The following FUT8 variants were observed in gnomAD, a reference collection of about 807,000 sequenced individuals.
FUT8 encodes the protein alpha-(1,6)-fucosyltransferase.
In FUT8, 29 loss-of-function variants were observed where a neutral mutation model predicts 71.3. That is an observed-to-expected ratio of 0.41 (90% confidence interval 0.30 to 0.55). The LOEUF is 0.55. FUT8 is among the 20% of genes least tolerant of loss of function. FUT8 has a pLI of 0.34. For missense variants in FUT8, 544 were observed against 702.1 expected, an observed-to-expected ratio of 0.77 and a Z score of 2.55; for synonymous variants, 254 against 239.3, an observed-to-expected ratio of 1.06 and a Z score of -0.57.
intron 2 of FUT8, among the ~76,000 whole-genome samples, chr14:65,513,560 G>A (rs1042439023): frequency 2.0e-5 from 3 of 152,296 alleles, no homozygotes; most frequent in African/African-American, 7.2e-5. Flanking sequence ...ACATAGATAT[G>A]ATTTTCTCAA....
At position 65,616,384 on chromosome 14, in the gene FUT8, C is replaced by T; in HGVS notation, c.482+11C>T. 4 of 1,538,710 alleles carry T rather than the reference C, an allele frequency of 2.6e-6. No homozygotes were observed. Among genetic ancestry groups the T allele is most frequent in the Non-Finnish European group, 3.5e-6 (4 of 1,142,684 alleles). ...AGGACATCATGAAAGGTACTATTCT[C>T]CTTTCACATTTTATTTGGGCTTTAG... On this transcript the variant is annotated intron_variant, in intron 5 of 10. Transcript: ENST00000673929.
intron 7 of FUT8, among the ~76,000 whole-genome samples, chr14:65,695,735 T>G (rs1337024326): frequency 6.6e-6 from 1 of 152,134 alleles, no homozygotes; most frequent in Admixed American, 6.5e-5. Flanking sequence ...CTATTTACAT[T>G]TAAAGCAGTT....
At position 65,512,166 on chromosome 14, in the gene FUT8, A is replaced by G. The variant is rs532655495; in HGVS notation, c.-227-49171A>G. 2.6e-5 allele frequency among the ~76,000 whole-genome samples: 4 copies of G among 152,302 alleles called. No individual in the cohort carries two copies. In the East Asian group the frequency reaches 7.7e-4, roughly 29 times the overall value. ...AAGGTACAGTAAAATTATGGTATTT[A>G]TAATCTTTATTTTTGTAGACAGAGT... On this transcript the variant is annotated intron_variant, in intron 2 of 10. Coordinates refer to ENST00000673929, the MANE Select transcript of FUT8 (RefSeq NM_001371533.1).
At chr14:65,672,488 C>G (rs1566887683) in intron 7 of FUT8, among the ~76,000 whole-genome samples, 1 of 152,116 alleles carries the variant, frequency 6.6e-6, no homozygotes, top group Admixed American at 6.6e-5. Flanking sequence ...GAGACAGAGT[C>G]TTGCTCTGAC....
chr14:65,385,473 T>G, the FUT8 span, among the ~76,000 whole-genome samples: 1 of 152,194 alleles, frequency 6.6e-6, no homozygotes, highest in Non-Finnish European at 1.5e-5. Context: ...CTCCTATTCT[T>G]TATAAATACC....
Position 65,667,951 on chromosome 14 carries a change from T to C in FUT8, c.598-1292T>C, listed in dbSNP as rs151111549. Among the ~76,000 whole-genome samples the C allele has an allele frequency of 1.5e-3, 224 of 152,190 alleles. 5 individuals are homozygous for C. The East Asian group carries it at 0.04, about 27-fold the overall frequency. ...ACAACTTTCTAATCTTTGACAAAGC[T>C]GACAAAAACAAGCCAAGGAGAAAGG... On this transcript the variant is annotated intron_variant, in intron 6 of 10. Coordinates refer to ENST00000673929, the MANE Select transcript of FUT8 (RefSeq NM_001371533.1).
chr14:65,533,448 C>T (rs1186527137), intron 2 of FUT8, among the ~76,000 whole-genome samples: 1 of 152,020 alleles, frequency 6.6e-6, no homozygotes, highest in Admixed American at 6.5e-5. Flanking sequence ...TAATTTGGCT[C>T]TTGGCTTGGC....
chr14:65,474,255 C>T (rs112548675), intron 2 of FUT8, among the ~76,000 whole-genome samples: 2 of 151,412 alleles, frequency 1.3e-5, no homozygotes, highest in South Asian at 2.1e-4. Context: ...ACATTTCATC[C>T]ATGTAACCCA....
At chr14:65,692,713 G>T (rs1472970627) in intron 7 of FUT8, among the ~76,000 whole-genome samples, 1 of 149,382 alleles carries the variant, frequency 6.7e-6, no homozygotes, top group Admixed American at 6.6e-5. Flanking sequence ...TCTCAGACGG[G>T]GCGGCTGCCG....
intron 3 of FUT8, among the ~76,000 whole-genome samples, chr14:65,584,071 G>C (rs979361907): frequency 3.9e-5 from 6 of 151,978 alleles, no homozygotes; most frequent in Admixed American, 3.3e-4. Flanking sequence ...AGTAGAGATG[G>C]GGTTTCAACA....
upstream of FUT8, among the ~76,000 whole-genome samples, chr14:65,407,036 C>T (rs550185450): frequency 1.5e-3 from 233 of 152,248 alleles, no homozygotes; most frequent in African/African-American, 5.4e-3. Context: ...CTTAGGTTCC[C>T]GCTGTAGTTG....
At chr14:65,509,231 C>T (rs1381464807) in intron 2 of FUT8, among the ~76,000 whole-genome samples, 1 of 151,934 alleles carries the variant, frequency 6.6e-6, no homozygotes, top group Non-Finnish European at 1.5e-5. Context: ...AATGAGTTCA[C>T]TGTAGGCGTG....
chr14:65,675,009 AAAAG>A (rs1037486190), intron 7 of FUT8, among the ~76,000 whole-genome samples: 6 of 152,252 alleles, frequency 3.9e-5, no homozygotes, highest in South Asian at 2.1e-4. Flanking sequence ...TATGGGCCAC[AAAAG>A]AAAGAAAGAT....
At chr14:65,418,701 TTCCCTC>T (rs1303117432) in intron 1 of FUT8, among the ~76,000 whole-genome samples, 1 of 152,088 alleles carries the variant, frequency 6.6e-6, no homozygotes, top group Non-Finnish European at 1.5e-5. Flanking sequence ...GTTTTTCTCT[TTCCCTC>T]TACTTACTTC....
chr14:65,514,408 ATT>A lies in FUT8; in HGVS notation c.-227-46927_-227-46926del, dbSNP rs201954917. ...GTTGGGCAGTGTGTCTCTAGAACAG[ATT>A]TCTGCCGAATACAAGAGGAAAACTT... is the stretch of plus-strand genomic sequence containing the variant. On this transcript the variant is annotated intron_variant, in intron 2 of 10. Coordinates refer to ENST00000673929, the MANE Select transcript of FUT8 (RefSeq NM_001371533.1). 1.2e-3 allele frequency among the ~76,000 whole-genome samples: 188 copies of A among 152,384 alleles called. No individual in the cohort carries two copies. In the East Asian group the frequency reaches 0.025, roughly 20 times the overall value.
intron 2 of FUT8, among the ~76,000 whole-genome samples, chr14:65,490,399 A>G (rs1312629934): frequency 6.6e-6 from 1 of 152,140 alleles, no homozygotes; most frequent in Non-Finnish European, 1.5e-5. Context: ...AGATACACAT[A>G]TATTTTAAAC....
At chr14:65,602,126 C>T (rs1186745519) in intron 3 of FUT8, among the ~76,000 whole-genome samples, 2 of 151,594 alleles carry the variant, frequency 1.3e-5, no homozygotes, top group East Asian at 1.9e-4. Flanking sequence ...TCCCTCACCT[C>T]CTTCCCACCA....
At chr14:65,667,489 G>A (rs1029775912) in intron 6 of FUT8, among the ~76,000 whole-genome samples, 6 of 151,970 alleles carry the variant, frequency 3.9e-5, no homozygotes, top group East Asian at 1.9e-4. Flanking sequence ...TCTCTACAAG[G>A]GGAATTACAA....
At chr14:65,596,234 T>C (rs1171898176) in intron 3 of FUT8, among the ~76,000 whole-genome samples, 2 of 152,192 alleles carry the variant, frequency 1.3e-5, no homozygotes, top group Non-Finnish European at 2.9e-5. Context: ...CACATACATA[T>C]GCAAAATGAA....
Sources: allele counts gnomAD v4.1 joint callset (sites outside exome capture counted in the v4.1 genomes callset), GRCh38; gene constraint gnomAD v4.1.1; transcripts MANE v1.5; gene names NCBI Gene and HGNC (gene_info 2026-07-23, HGNC 2026-07-21).